The following MCTP1 variants were observed in gnomAD, a reference collection of about 807,000 sequenced individuals.
The protein encoded by MCTP1 is multiple C2 and transmembrane domain-containing protein 1.
MCTP1 carries 69 observed loss-of-function variants against 120.6 expected under a neutral mutation model. That is an observed-to-expected ratio of 0.57 (90% CI 0.47 to 0.70). The LOEUF (loss-of-function observed/expected upper bound fraction) is 0.70, where lower values mean the gene tolerates loss of function less well. Among genes scored for constraint, MCTP1 ranks in the 30% least tolerant of loss-of-function variants. The pLI is 0.00. For missense variants in MCTP1, 1,203 were observed against 1,248.8 expected (o/e 0.96, Z 0.55); for synonymous variants, 529 against 493.1 (o/e 1.07, Z -0.96).
At chr5:94,870,391 G>T in intron 16 of MCTP1, 26 bp downstream of exon 16, 4 of 1,470,490 alleles carry the variant, frequency 2.7e-6, no homozygotes, top group Non-Finnish European at 3.8e-6. Context: ...TCTTCCCAGA[G>T]GGATTAATCT....
At chr5:94,971,992 A>C (rs920622364) in intron 2 of MCTP1, among the ~76,000 whole-genome samples, 5 of 152,088 alleles carry the variant, frequency 3.3e-5, no homozygotes, top group African/African-American at 1.2e-4. Flanking sequence ...TTGGTAAAAC[A>C]TCTCTTGAAA....
chr5:94,784,725 A>G (rs1777277448), intron 18 of MCTP1: 1 of 151,960 alleles, frequency 6.6e-6, no homozygotes, highest in South Asian at 2.1e-4. Flanking sequence ...AGATAACTGA[A>G]CCACTAGATG....
rs1321555941 is a variant in MCTP1, at chr5:94,947,613, GAGAGAGAGAA to G, written c.982-5196_982-5187del. Among the ~76,000 whole-genome samples, 45 of 128,320 alleles carry G rather than the reference GAGAGAGAGAA, an allele frequency of 3.5e-4. 1 individual carries two copies. The highest frequency in any genetic ancestry group is 1.2e-3 in the African/African-American group (42 of 34,214). The allele number at this position is 128,320 out of a possible 152,430, so 84.2% of individuals were successfully genotyped here. ...AGAGAGAGAGAGAGAGAGAGAGAGA[GAGAGAGAGAA>G]AGAGAGACAGGGTCCAGGGTCTCAC... On this transcript the variant is annotated intron_variant, in intron 3 of 22. Transcript: ENST00000515393.
Position 95,283,865 on chromosome 5 carries a change from G to A in MCTP1, c.711C>T (p.Gly237=). 2.2e-6 allele frequency: 3 copies of A among 1,375,320 alleles called. No homozygotes were observed. The highest frequency in any genetic ancestry group is 3.7e-5 in the Admixed American group (1 of 26,868). The allele number at this position is 1,375,320 out of a possible 1,614,324, so 85.2% of individuals were successfully genotyped here. A position where few individuals can be genotyped will look rare whatever the true frequency, so the allele number is the denominator to read the frequency against. Residue 237 remains glycine, a synonymous_variant, in exon 1 of 23, where the codon GGC becomes GGT. Transcript: ENST00000515393. ...CGCCACCGGCACTCACCTGGCTGCT[G>A]CCGTGCTCCTCGCCCGTCTCCGGGG... ...SRAPETGEEH[G]SSQKIINTAG... is the part of the protein sequence containing the mutation.
chr5:94,982,448 C>A (rs1829610882), intron 2 of MCTP1, among the ~76,000 whole-genome samples: 1 of 152,056 alleles, frequency 6.6e-6, no homozygotes, highest in Non-Finnish European at 1.5e-5. Context: ...AAATGTCTTT[C>A]CTGCTGTGGT....
intron 3 of MCTP1, among the ~76,000 whole-genome samples, chr5:94,949,963 G>A (rs556288945): frequency 8.3e-4 from 126 of 151,750 alleles, no homozygotes; most frequent in African/African-American, 3.0e-3. Flanking sequence ...TTTCCACCAA[G>A]GTACCTTATT....
At chr5:95,113,028 C>T (rs1562152895) in intron 1 of MCTP1, among the ~76,000 whole-genome samples, 1 of 152,102 alleles carries the variant, frequency 6.6e-6, no homozygotes, top group Non-Finnish European at 1.5e-5. Flanking sequence ...ATATGCCTAG[C>T]AGCTGGTAAC....
At chr5:94,885,746 C>G (rs945630688) in intron 12 of MCTP1, among the ~76,000 whole-genome samples, 1 of 152,112 alleles carries the variant, frequency 6.6e-6, no homozygotes, top group Non-Finnish European at 1.5e-5. Context: ...TTAACCTTTT[C>G]ACTGGTTAGT....
chr5:94,865,662 C>T lies in MCTP1; in HGVS notation c.2436+2671G>A, dbSNP rs558338302. ...AAACATTTCATTTTTAAATATATAA[C>T]TTAATATCTACAAGATGAATAAATA... On this transcript the variant is annotated intron_variant, in intron 17 of 22. Transcript: ENST00000515393. Among the ~76,000 whole-genome samples, 41 of 151,978 alleles carry T rather than the reference C, an allele frequency of 2.7e-4. 1 individual carries two copies. The South Asian group carries it at 8.5e-3, about 32-fold the overall frequency.
At chr5:95,211,748 G>A (rs1752403566) in intron 1 of MCTP1, among the ~76,000 whole-genome samples, 1 of 152,136 alleles carries the variant, frequency 6.6e-6, no homozygotes, top group African/African-American at 2.4e-5. Context: ...GAGGAGAGGT[G>A]CTCTGCTTTT....
At chr5:94,948,675 C>A (rs537134440) in intron 3 of MCTP1, among the ~76,000 whole-genome samples, 11 of 152,032 alleles carry the variant, frequency 7.2e-5, no homozygotes, top group Non-Finnish European at 1.2e-4. Context: ...CCTACTTGTG[C>A]CCCAGAATAA....
chr5:94,822,639 T>A (rs1785944835), intron 17 of MCTP1, among the ~76,000 whole-genome samples: 1 of 152,194 alleles, frequency 6.6e-6, no homozygotes, highest in African/African-American at 2.4e-5. Context: ...CACCACACTG[T>A]CTTCCACAAC....
At chr5:95,018,402 T>C (rs1837538565) in intron 1 of MCTP1, among the ~76,000 whole-genome samples, 1 of 152,146 alleles carries the variant, frequency 6.6e-6, no homozygotes, top group Non-Finnish European at 1.5e-5. Flanking sequence ...GACAACAGTC[T>C]TTTAATTCCA....
intron 1 of MCTP1, among the ~76,000 whole-genome samples, chr5:95,141,262 T>TTA (rs2152439238): frequency 6.6e-6 from 1 of 152,360 alleles, no homozygotes; most frequent in South Asian, 2.1e-4. Flanking sequence ...TTTGCTTTAG[T>TTA]TACAGACATT....
intron 2 of MCTP1, among the ~76,000 whole-genome samples, chr5:95,001,168 C>G (rs778295040): frequency 2.6e-5 from 4 of 152,226 alleles, no homozygotes; most frequent in Non-Finnish European, 5.9e-5. Context: ...TTTCCTGAAG[C>G]CTCCCCAGCC....
intron 1 of MCTP1, among the ~76,000 whole-genome samples, chr5:95,276,467 A>C (rs925588789): frequency 6.6e-6 from 1 of 150,718 alleles, no homozygotes; most frequent in African/African-American, 2.4e-5. Flanking sequence ...CATATTGGCC[A>C]GGCTGGTCTT....
intron 2 of MCTP1, among the ~76,000 whole-genome samples, chr5:94,996,146 C>T (rs1191540389): frequency 1.3e-5 from 2 of 152,010 alleles, no homozygotes; most frequent in Non-Finnish European, 2.9e-5. Flanking sequence ...ATATTTAAAG[C>T]AAACATTTAC....
At chr5:95,138,656 T>C (rs1012313591) in intron 1 of MCTP1, among the ~76,000 whole-genome samples, 13 of 152,296 alleles carry the variant, frequency 8.5e-5, no homozygotes, top group African/African-American at 3.1e-4. Context: ...AGACCACCAC[T>C]GACTGCCATG....
At chr5:94,983,664 TGTCA>T (rs1003754848) in intron 2 of MCTP1, among the ~76,000 whole-genome samples, 8 of 15,256 alleles carry the variant, frequency 5.2e-4, no homozygotes, top group South Asian at 1.6e-3. Context: ...TCTGTCTGTC[TGTCA>T]ATCTATCTAT....
Sources: gnomAD v4.1 joint callset for allele counts (sites outside exome capture counted in the v4.1 genomes callset) on GRCh38, gnomAD v4.1.1 for gene constraint, MANE v1.5 for transcripts, NCBI Gene and HGNC (gene_info 2026-07-23, HGNC 2026-07-21) for gene names.